The following DNAH11 variants were observed in gnomAD, a reference collection of about 807,000 sequenced individuals.
DNAH11 encodes the protein axonemal beta dynein heavy chain 11.
A neutral mutation model predicts 526.0 loss-of-function variants in DNAH11; 442 were observed. The observed-to-expected ratio is 0.84, with a 90% CI of 0.78 to 0.91. The LOEUF (loss-of-function observed/expected upper bound fraction) is 0.91. DNAH11 is among the 40% of genes least tolerant of loss of function. The pLI is 0.00. For synonymous variants in DNAH11, 2,461 were observed against 1,935.9 expected (o/e 1.27, Z -7.12); for missense variants, 6,989 against 5,448.7 (o/e 1.28, Z -8.90).
At position 21,571,891 on chromosome 7, in the gene DNAH11, T is replaced by G; in HGVS notation, c.1511T>G (p.Val504Gly). The change falls in exon 8 of 82, where the codon GTC becomes GGC. Residue 504 changes from valine to glycine, a missense_variant. Val to Gly is a moderately radical substitution (Grantham distance 109). Transcript: ENST00000409508. Reference protein sequence around the residue: ...GTKGAILNGQVHEMSEELMEL... With the variant: ...GTKGAILNGQGHEMSEELMEL... The stretch of plus-strand genomic sequence containing the variant: ...AAAGGAGCAATTTTAAATGGACAAG[T>G]CCACGAGATGAGTGAAGAACTTATG... 1 of 1,613,102 alleles carries G rather than the reference T, an allele frequency of 6.2e-7. No homozygotes were observed. The highest frequency in any genetic ancestry group is 8.5e-7 in the Non-Finnish European group (1 of 1,179,512).
Position 21,619,127 on chromosome 7 carries a change from A to T in DNAH11, c.4282A>T (p.Thr1428Ser), listed in dbSNP as rs72657315. The change falls in exon 24 of 82, where the codon ACT becomes TCT. Residue 1428 changes from threonine (T) to serine (S), a missense_variant. Thr to Ser is a moderately conservative substitution (Grantham distance 58). Transcript: ENST00000409508. ...GVKFLINEATTLADLLALRLH... is the reference protein window; with the variant it reads ...GVKFLINEATSLADLLALRLH... The stretch of plus-strand genomic sequence containing the variant: ...CAAGTTTTTAATAAATGAAGCCACA[A>T]CTTTGGCAGATTTGTTAGCACTGCG... 1.2e-6 allele frequency: 2 copies of T among 1,613,656 alleles called. No individual in the cohort carries two copies. The highest frequency in any genetic ancestry group is 3.3e-5 in the Admixed American group (2 of 59,950).
Position 21,892,426 on chromosome 7 carries a change from C to G in DNAH11, c.12509C>G (p.Thr4170Ser), listed in dbSNP as rs12537531. ...CTGACTTTTCCTTTGTGGTTCAAGA[C>G]TGAAGATGAACTGATGCTGGCACCA... ...YLEEFMNPSLTEDELMLAPGF... is the reference protein window; with the variant it reads ...YLEEFMNPSLSEDELMLAPGF... The change falls in exon 77 of 82, where the codon ACT (threonine) becomes AGT (serine). Residue 4170 changes from threonine (T) to serine (S), a missense_variant and splice_region_variant. By Grantham distance (58) the Thr-to-Ser change is moderately conservative. Coordinates refer to ENST00000409508, the MANE Select transcript of DNAH11 (RefSeq NM_001277115.2). The G allele has an allele frequency of 7.9e-5, 126 of 1,604,712 alleles. No homozygotes were observed. The highest frequency in any genetic ancestry group is 2.2e-4 in the Admixed American group (13 of 59,588).
chr7:21,764,864 AT>A (rs1014875343), intron 54 of DNAH11, among the ~76,000 whole-genome samples: 1 of 152,234 alleles, frequency 6.6e-6, no homozygotes, highest in South Asian at 2.1e-4. Context: ...GTTTAAACTG[AT>A]TTTTTTTCTT....
At chr7:21,871,966 C>CA (rs925510044) in intron 73 of DNAH11, among the ~76,000 whole-genome samples, 4 of 150,456 alleles carry the variant, frequency 2.7e-5, no homozygotes, top group Admixed American at 6.6e-5. Flanking sequence ...ACTAAAAATA[C>CA]AAAAAAAATT....
chr7:21,652,425 CG>C (rs1562729793), intron 28 of DNAH11, among the ~76,000 whole-genome samples: 3 of 152,128 alleles, frequency 2.0e-5, no homozygotes, highest in Non-Finnish European at 4.4e-5. Flanking sequence ...AAAAGATGCT[CG>C]TTCTGTACCT....
intron 31 of DNAH11, 106 bp downstream of exon 31, chr7:21,681,783 G>A (rs1783151703): frequency 7.4e-7 from 1 of 1,358,888 alleles, no homozygotes; most frequent in South Asian, 1.2e-5. Context: ...AAGTTTGTAT[G>A]TTTTAATTAG....
rs376490537 is a variant in DNAH11, at chr7:21,615,267, G to C, written c.4006G>C (p.Val1336Leu). Reference sequence around the variant, plus strand: ...GGGACTGTGGGATGTCATTATTTATGTTCGAGTAAGATGTGCTTTTTCAAA... The same window carrying C: ...GGGACTGTGGGATGTCATTATTTATCTTCGAGTAAGATGTGCTTTTTCAAA... ...LKGLWDVIIY[V>L]RRSIDNWTKT... Residue 1336 changes from valine (V) to leucine (L), a missense_variant, in exon 21 of 82, where the codon GTT becomes CTT. Transcript: ENST00000409508. 1 of 1,610,668 alleles carries C rather than the reference G, an allele frequency of 6.2e-7. No homozygotes were observed. Among genetic ancestry groups the C allele is most frequent in the Non-Finnish European group, 8.5e-7 (1 of 1,178,436 alleles).
intron 30 of DNAH11, among the ~76,000 whole-genome samples, chr7:21,669,514 A>T (rs944201201): frequency 6.6e-6 from 1 of 152,062 alleles, no homozygotes; most frequent in Admixed American, 6.6e-5. Context: ...TATTTGGGAT[A>T]CAAGTTTTTT....
At chr7:21,790,127 G>C (rs1275716623) in intron 61 of DNAH11, among the ~76,000 whole-genome samples, 1 of 151,868 alleles carries the variant, frequency 6.6e-6, no homozygotes, top group Non-Finnish European at 1.5e-5. Flanking sequence ...AATTTACCAT[G>C]GTACTTGGCA....
rs1220340449 is a variant in DNAH11, at chr7:21,705,452, C to G, written c.6469-8C>G. ...AAGGAAACCAGCAACCAGCTGTTTG[C>G]TCTGCAGGTTGTCCAGCTTGAGGAA... is the stretch of plus-strand genomic sequence containing the variant. On this transcript the variant is annotated splice_polypyrimidine_tract_variant and splice_region_variant and intron_variant, in intron 38 of 81. Coordinates refer to ENST00000409508, the MANE Select transcript of DNAH11 (RefSeq NM_001277115.2). The G allele has an allele frequency of 6.2e-7, 1 of 1,613,400 alleles. No homozygotes were observed. Among genetic ancestry groups the G allele is most frequent in the African/African-American group, 1.3e-5 (1 of 74,912 alleles).
At chr7:21,744,724 G>C (rs560720280) in intron 50 of DNAH11, 125 bp downstream of exon 50, 118 of 1,433,084 alleles carry the variant, frequency 8.2e-5, no homozygotes, top group Non-Finnish European at 1.1e-4. Context: ...TGTGAATCCA[G>C]AATACACTTG....
chr7:21,865,080 A>G (rs375482228), intron 70 of DNAH11, among the ~76,000 whole-genome samples: 111 of 147,772 alleles, frequency 7.5e-4, no homozygotes, highest in African/African-American at 2.6e-3. Flanking sequence ...TTCTCATTGT[A>G]AAATGTTTAA....
At chr7:21,649,375 G>A (rs1787520029) in intron 28 of DNAH11, among the ~76,000 whole-genome samples, 1 of 152,000 alleles carries the variant, frequency 6.6e-6, no homozygotes, top group Admixed American at 6.6e-5. Context: ...GTCCAAAATG[G>A]GAAACAATTT....
intron 54 of DNAH11, among the ~76,000 whole-genome samples, chr7:21,755,931 G>T (rs1293403769): frequency 6.6e-6 from 1 of 151,932 alleles, no homozygotes; most frequent in Non-Finnish European, 1.5e-5. Flanking sequence ...TCTTATTGTT[G>T]GTTATAGGAG....
chr7:21,692,793 G>A (rs1394842282), intron 35 of DNAH11, among the ~76,000 whole-genome samples: 2 of 152,184 alleles, frequency 1.3e-5, no homozygotes, highest in Non-Finnish European at 2.9e-5. Context: ...CACCATCAAT[G>A]CATGAGAATT....
intron 65 of DNAH11, among the ~76,000 whole-genome samples, chr7:21,824,464 GTAAA>G (rs1188039481): frequency 2.6e-5 from 4 of 152,036 alleles, no homozygotes; most frequent in African/African-American, 4.8e-5. Flanking sequence ...TTTTAATTCA[GTAAA>G]TAAATATGTA....
intron 14 of DNAH11, among the ~76,000 whole-genome samples, chr7:21,597,764 G>A (rs1784918582): frequency 6.6e-6 from 1 of 152,184 alleles, no homozygotes; most frequent in Non-Finnish European, 1.5e-5. Context: ...AGGACACAGA[G>A]TCAAACCGTA....
rs1187528729 is a variant in DNAH11 at position 21,808,458 on chromosome 7, T to G, written c.10332+409T>G. 2.0e-5 allele frequency among the ~76,000 whole-genome samples: 3 copies of G among 152,192 alleles called. No individual in the cohort carries two copies. In the South Asian group the frequency reaches 6.2e-4, roughly 31 times the overall value. Reference sequence around the variant, plus strand: ...ATTATTAACTACAGTTTCCCTACTGTGTTATTGAGTACTGGCACTTATTTC... The same window carrying G: ...ATTATTAACTACAGTTTCCCTACTGGGTTATTGAGTACTGGCACTTATTTC... On this transcript the variant is annotated intron_variant, in intron 63 of 81. Coordinates refer to ENST00000409508, the MANE Select transcript of DNAH11 (RefSeq NM_001277115.2).
chr7:21,865,483 G>A (rs1036976719), intron 70 of DNAH11, among the ~76,000 whole-genome samples: 3 of 152,152 alleles, frequency 2.0e-5, no homozygotes, highest in Non-Finnish European at 4.4e-5. Flanking sequence ...GGGCAAGAAG[G>A]ATTAGGAAAT....
Sources: allele counts gnomAD v4.1 joint callset (sites outside exome capture counted in the v4.1 genomes callset), GRCh38; gene constraint gnomAD v4.1.1; transcripts MANE v1.5; gene names NCBI Gene and HGNC (gene_info 2026-07-23, HGNC 2026-07-21).